ENTREP2: variants seen among roughly 807,000 people sequenced by gnomAD.
ENTREP2 encodes endosomal transmembrane epsin interactor 2, also known as protein ENTREP2.
chr15:29,652,656 G>A, the ENTREP2 span, among the ~76,000 whole-genome samples: 1 of 152,224 alleles, frequency 6.6e-6, no homozygotes, highest in Non-Finnish European at 1.5e-5. Context: ...CCCAGGGCCA[G>A]CCAAAGCTGC....
the ENTREP2 span, among the ~76,000 whole-genome samples, chr15:29,595,951 C>T: frequency 2.6e-5 from 4 of 152,030 alleles, no homozygotes; most frequent in African/African-American, 9.7e-5. Flanking sequence ...AAAAGATGCT[C>T]CCGGCTTATC....
the ENTREP2 span, among the ~76,000 whole-genome samples, chr15:29,209,945 C>G: frequency 6.6e-6 from 1 of 152,116 alleles, no homozygotes; most frequent in African/African-American, 2.4e-5. Flanking sequence ...AAAAGTGTCA[C>G]CTGGGTTAAT....
At chr15:29,194,489 A>C in the ENTREP2 span, among the ~76,000 whole-genome samples, 1 of 152,202 alleles carries the variant, frequency 6.6e-6, no homozygotes, top group Admixed American at 6.5e-5. Context: ...CTTTGCTTTC[A>C]ACTCTTACCA....
chr15:29,238,064 C>T, the ENTREP2 span, among the ~76,000 whole-genome samples: 1 of 152,040 alleles, frequency 6.6e-6, no homozygotes, highest in African/African-American at 2.4e-5. Flanking sequence ...ATGTATGAAC[C>T]TTGAAAACAT....
chr15:29,666,773 T>G, the ENTREP2 span, among the ~76,000 whole-genome samples: 1 of 152,226 alleles, frequency 6.6e-6, no homozygotes, highest in Non-Finnish European at 1.5e-5. Flanking sequence ...TTCCCAGGGC[T>G]GCTGTAACCA....
At chr15:29,360,799 C>T in the ENTREP2 span, among the ~76,000 whole-genome samples, 4 of 152,324 alleles carry the variant, frequency 2.6e-5, no homozygotes, top group Admixed American at 2.6e-4. Flanking sequence ...CCCTATCACT[C>T]CTCTGGTCTG....
At chr15:29,401,367 TG>T in the ENTREP2 span, among the ~76,000 whole-genome samples, 2 of 152,138 alleles carry the variant, frequency 1.3e-5, no homozygotes, top group African/African-American at 4.8e-5. Flanking sequence ...ATGAATAGGA[TG>T]TTTAGATTTT....
At chr15:29,310,377 G>T in the ENTREP2 span, among the ~76,000 whole-genome samples, 1 of 152,302 alleles carries the variant, frequency 6.6e-6, no homozygotes, top group African/African-American at 2.4e-5. Context: ...CAGGACTGAG[G>T]GACGGATGAC....
At chr15:29,165,120 C>G in the ENTREP2 span, among the ~76,000 whole-genome samples, 4 of 152,174 alleles carry the variant, frequency 2.6e-5, no homozygotes, top group South Asian at 8.3e-4. Context: ...ATTCTTCGAA[C>G]TGAACGACAA....
the ENTREP2 span, among the ~76,000 whole-genome samples, chr15:29,382,261 C>CA: frequency 0.15 from 20,329 of 134,740 alleles, 1,920 homozygotes; most frequent in African/African-American, 0.27. Flanking sequence ...GACTCCATCT[C>CA]AAAAAAAAAA....
At chr15:29,172,162 A>G in the ENTREP2 span, among the ~76,000 whole-genome samples, 2 of 152,160 alleles carry the variant, frequency 1.3e-5, no homozygotes, top group Non-Finnish European at 1.5e-5. Flanking sequence ...TGAAGAATCC[A>G]TTAGTGGGCC....
chr15:29,312,031 G>C, the ENTREP2 span, among the ~76,000 whole-genome samples: 2 of 152,138 alleles, frequency 1.3e-5, no homozygotes, highest in African/African-American at 4.8e-5. Context: ...CAGAAACTGA[G>C]GGATAGGATA....
At chr15:29,425,200 T>G in the ENTREP2 span, among the ~76,000 whole-genome samples, 26 of 26,900 alleles carry the variant, frequency 9.7e-4, no homozygotes, top group East Asian at 6.6e-3. Flanking sequence ...AGGTTTTTTG[T>G]TTTTTTTTTT....
chr15:29,611,037 C>T, the ENTREP2 span: 1 of 152,252 alleles, frequency 6.6e-6, no homozygotes, highest in South Asian at 2.1e-4. Context: ...CTAGCATCCA[C>T]TTGTATTTTC....
the ENTREP2 span, among the ~76,000 whole-genome samples, chr15:29,645,916 T>TTGA: frequency 6.6e-6 from 1 of 152,156 alleles, no homozygotes; most frequent in Non-Finnish European, 1.5e-5. Flanking sequence ...CAGTATTTTA[T>TTGA]TGATTCTGGG....
chr15:29,653,136 C>A, the ENTREP2 span, among the ~76,000 whole-genome samples: 2 of 152,142 alleles, frequency 1.3e-5, no homozygotes, highest in African/African-American at 4.8e-5. Flanking sequence ...TCTCAAACTG[C>A]ACCTTAACAC....
the ENTREP2 span, among the ~76,000 whole-genome samples, chr15:29,413,656 TG>T: frequency 7.2e-5 from 11 of 152,284 alleles, no homozygotes; most frequent in East Asian, 2.1e-3. Context: ...GTATTTTGCT[TG>T]TGAACTCTCT....
chr15:29,387,683 C>T, the ENTREP2 span, among the ~76,000 whole-genome samples: 5 of 152,160 alleles, frequency 3.3e-5, no homozygotes, highest in Non-Finnish European at 7.4e-5. Flanking sequence ...GCCAAAAGAA[C>T]AAAGCTGGAG....
At chr15:29,258,409 T>G in the ENTREP2 span, among the ~76,000 whole-genome samples, 52 of 151,850 alleles carry the variant, frequency 3.4e-4, no homozygotes, top group African/African-American at 1.3e-3. Flanking sequence ...AACAAGAGAC[T>G]ACCCTGAGAC....
Sources: gnomAD v4.1 joint callset for allele counts (sites outside exome capture counted in the v4.1 genomes callset) on GRCh38, gnomAD v4.1.1 for gene constraint, MANE v1.5 for transcripts, NCBI Gene and HGNC (gene_info 2026-07-23, HGNC 2026-07-21) for gene names.